Variants in RANBP2 observed in about 807,000 individuals in gnomAD.
RANBP2 encodes RAN binding protein 2.
Under a neutral mutation model 303.6 loss-of-function variants are expected in RANBP2, and 57 were observed. The ratio of observed to expected loss-of-function variants is 0.19; its 90% CI spans 0.15 to 0.23. The LOEUF (loss-of-function observed/expected upper bound fraction) is 0.23. RANBP2 is among the 10% of genes least tolerant of loss of function. The pLI, the probability that RANBP2 is intolerant of heterozygous loss-of-function variation, is 1.00. For missense variants in RANBP2, 3,138 were observed against 3,780.8 expected, an observed-to-expected ratio of 0.83 and a Z score of 4.46; for synonymous variants, 1,167 against 1,301.5, an observed-to-expected ratio of 0.90 and a Z score of 2.23.
At chr2:109,525,369 G>C in the RANBP2 span, among the ~76,000 whole-genome samples, 1 of 152,132 alleles carries the variant, frequency 6.6e-6, no homozygotes, top group Non-Finnish European at 1.5e-5. Flanking sequence ...TCACCATCTT[G>C]GCCAGGCTGG....
the RANBP2 span, among the ~76,000 whole-genome samples, chr2:109,484,074 T>G: frequency 6.6e-6 from 1 of 150,454 alleles, no homozygotes; most frequent in Non-Finnish European, 1.5e-5. Flanking sequence ...TTTCTTTTTT[T>G]TTTTTTTTTT....
the RANBP2 span, among the ~76,000 whole-genome samples, chr2:109,374,824 G>T: frequency 2.0e-5 from 3 of 152,318 alleles, no homozygotes; most frequent in South Asian, 2.1e-4. Flanking sequence ...CTCTCACCTC[G>T]CCTGGCCTCA....
At chr2:109,353,457 C>T in the RANBP2 span, among the ~76,000 whole-genome samples, 1 of 152,214 alleles carries the variant, frequency 6.6e-6, no homozygotes, top group African/African-American at 2.4e-5. Flanking sequence ...TTCATAGTCA[C>T]GTGACACCGC....
chr2:108,930,041 G>A, the RANBP2 span: 1 of 1,514,166 alleles, frequency 6.6e-7, no homozygotes, highest in Middle Eastern at 2.0e-4. Context: ...ACACAGCAAG[G>A]CAGGCTCAGG....
At chr2:109,561,124 T>A in the RANBP2 span, among the ~76,000 whole-genome samples, 1 of 152,182 alleles carries the variant, frequency 6.6e-6, no homozygotes, top group South Asian at 2.1e-4. Context: ...GCTGCCTGCC[T>A]GTTCTCTTCT....
chr2:108,874,370 A>G, the RANBP2 span, among the ~76,000 whole-genome samples: 20 of 152,104 alleles, frequency 1.3e-4, no homozygotes, highest in Non-Finnish European at 2.9e-4. Flanking sequence ...TGACTCAGAA[A>G]CTTGTATAAC....
At chr2:109,001,770 G>A in the RANBP2 span, among the ~76,000 whole-genome samples, 5 of 152,088 alleles carry the variant, frequency 3.3e-5, no homozygotes, top group Non-Finnish European at 5.9e-5. Flanking sequence ...TCTCTCTGTC[G>A]CCCAGACTAG....
the RANBP2 span, among the ~76,000 whole-genome samples, chr2:109,440,282 G>A: frequency 6.6e-6 from 1 of 152,222 alleles, no homozygotes; most frequent in Non-Finnish European, 1.5e-5. Flanking sequence ...AAGCACTCAG[G>A]AAGGGGAAGC....
the RANBP2 span, chr2:108,839,127 T>G: frequency 6.7e-7 from 1 of 1,499,516 alleles, no homozygotes; most frequent in Non-Finnish European, 8.9e-7. Context: ...TGGTAATTGA[T>G]TTAAGACATT....
the RANBP2 span, among the ~76,000 whole-genome samples, chr2:109,266,517 ATT>A: frequency 6.6e-6 from 1 of 152,044 alleles, no homozygotes; most frequent in Non-Finnish European, 1.5e-5. Context: ...TTCAACTCTC[ATT>A]GTTCTCCTCA....
the RANBP2 span, among the ~76,000 whole-genome samples, chr2:108,838,480 T>A: frequency 6.6e-6 from 1 of 152,174 alleles, no homozygotes; most frequent in Admixed American, 6.5e-5. Context: ...TCTTTGTACA[T>A]GGCTTTTGGA....
At chr2:109,588,333 A>G in the RANBP2 span, among the ~76,000 whole-genome samples, 1 of 152,198 alleles carries the variant, frequency 6.6e-6, no homozygotes, top group South Asian at 2.1e-4. Flanking sequence ...TAAATGTAAG[A>G]GAGGTTTTTT....
At chr2:109,329,732 A>G in the RANBP2 span, among the ~76,000 whole-genome samples, 1 of 152,342 alleles carries the variant, frequency 6.6e-6, no homozygotes, top group East Asian at 1.9e-4. Context: ...GGTGAAATGA[A>G]TTGCAGGAGT....
chr2:109,006,067 GGCAGTCACGTGGCTGCCCATA>G, the RANBP2 span, among the ~76,000 whole-genome samples: 1 of 152,236 alleles, frequency 6.6e-6, no homozygotes, highest in East Asian at 1.9e-4. Context: ...TTGGCCCACC[GGCAGTCACGTGGCTGCCCATA>G]GCAGAAACGT....
At chr2:108,995,512 G>A in the RANBP2 span, among the ~76,000 whole-genome samples, 3 of 152,164 alleles carry the variant, frequency 2.0e-5, no homozygotes, top group Admixed American at 6.5e-5. Context: ...AAGCCAAAAT[G>A]GGAATAAACA....
chr2:109,249,743 G>T, the RANBP2 span, among the ~76,000 whole-genome samples: 4 of 151,716 alleles, frequency 2.6e-5, no homozygotes, highest in Non-Finnish European at 5.9e-5. Flanking sequence ...CGCAAGCTCC[G>T]CCTTCCAGGT....
the RANBP2 span, among the ~76,000 whole-genome samples, chr2:109,324,643 G>A: frequency 2.6e-5 from 4 of 152,008 alleles, no homozygotes; most frequent in Non-Finnish European, 4.4e-5. Flanking sequence ...TGAAGAAGGC[G>A]AAGTTGATCC....
chr2:108,782,676 G>T lies in RANBP2; in HGVS notation c.9183G>T (p.Glu3061Asp), dbSNP rs1300341774. The T allele has an allele frequency of 6.2e-7, 1 of 1,614,184 alleles. No individual in the cohort carries two copies. The highest frequency in any genetic ancestry group is 2.2e-5 in the East Asian group (1 of 44,882). ...HVSLAAELSKETNPVVFFDVC... is the reference protein window; with the variant it reads ...HVSLAAELSKDTNPVVFFDVC... ...CACTGGCAGCAGAATTATCAAAGGA[G>T]ACCAATCCTGTGGTGTTTTTTGATG... is the stretch of plus-strand genomic sequence containing the variant. The change falls in exon 28 of 29, where the codon GAG becomes GAT. Residue 3061 changes from glutamate (E) to aspartate (D), a missense_variant. Around this residue, in one of 20 missense-constraint regions of RANBP2, gnomAD observed 204 missense variants for 228.4 expected, o/e 0.89. Coordinates refer to ENST00000283195, the MANE Select transcript of RANBP2 (RefSeq NM_006267.5).
the RANBP2 span, among the ~76,000 whole-genome samples, chr2:109,747,413 C>G: frequency 1.4e-5 from 2 of 147,084 alleles, no homozygotes; most frequent in Admixed American, 1.4e-4. Flanking sequence ...TTCAAATCAA[C>G]GACTCTAAAA....
Sources: allele counts gnomAD v4.1 joint callset (sites outside exome capture counted in the v4.1 genomes callset), GRCh38; gene constraint gnomAD v4.1.1; regional missense constraint gnomAD v4.1.1; transcripts MANE v1.5; gene names NCBI Gene and HGNC (gene_info 2026-07-23, HGNC 2026-07-21).